The following ABHD12B variants were observed in gnomAD, a reference collection of about 807,000 sequenced individuals.
ABHD12B encodes abhydrolase domain containing 12B.
In ABHD12B, 42 loss-of-function variants were observed where a neutral mutation model predicts 50.4. That is an observed-to-expected ratio of 0.83 (90% CI 0.65 to 1.08). The LOEUF (loss-of-function observed/expected upper bound fraction) is 1.08. Ranked by LOEUF, ABHD12B falls within the 50% of genes least tolerant of loss-of-function variation. The pLI is 0.00. For synonymous variants in ABHD12B, 167 were observed against 160.3 expected (o/e 1.04, Z -0.32); for missense variants, 479 against 447.7 (o/e 1.07, Z -0.63).
At chr14:50,877,223 AG>A (rs370707665) in intron 1 of ABHD12B, among the ~76,000 whole-genome samples, 113 of 152,316 alleles carry the variant, frequency 7.4e-4, no homozygotes, top group African/African-American at 2.5e-3. Context: ...TTTCTTCCTA[AG>A]ATAAGTCCAG....
At chr14:50,903,361 T>C in intron 10 of ABHD12B, 28 bp from the exon 11 acceptor site, 1 of 1,547,890 alleles carries the variant, frequency 6.5e-7, no homozygotes, top group South Asian at 1.1e-5. Flanking sequence ...ATTCTTTAAC[T>C]GAATGCTTTT....
chr14:50,880,490 G>A lies in ABHD12B; in HGVS notation c.374G>A (p.Gly125Glu), dbSNP rs1232801919. The A allele has an allele frequency of 6.2e-7, 1 of 1,611,300 alleles. No homozygotes were observed. Among genetic ancestry groups the A allele is most frequent in the Non-Finnish European group, 8.5e-7 (1 of 1,178,628 alleles). Residue 125 changes from glycine (G) to glutamate (E), a missense_variant, in exon 4 of 13, where the codon GGG becomes GAG. By Grantham distance (98) the Gly-to-Glu change is moderately conservative (BLOSUM62 -2). Coordinates refer to ENST00000337334, the MANE Select transcript of ABHD12B (RefSeq NM_001206673.2). Reference sequence around the variant, plus strand: ...AGCTGCCGGGGGGAAGATGCCAAGGGGAAGGACTGTTGCTGGTATGAAGCA... The same window carrying A: ...AGCTGCCGGGGGGAAGATGCCAAGGAGAAGGACTGTTGCTGGTATGAAGCA... The part of the protein sequence containing the change: ...VPSCRGEDAK[G>E]KDCCWYEAAL...
At chr14:50,873,189 T>G (rs889746513) in intron 1 of ABHD12B, among the ~76,000 whole-genome samples, 3 of 152,164 alleles carry the variant, frequency 2.0e-5, no homozygotes, top group Non-Finnish European at 4.4e-5. Context: ...AGAGTGATGA[T>G]GACAAACGGG....
chr14:50,903,948 T>C, intron 11 of ABHD12B, 126 bp from the exon 12 acceptor site: 1 of 749,562 alleles, frequency 1.3e-6, no homozygotes, highest in Non-Finnish European at 2.3e-6. Flanking sequence ...TGGAGAGTTT[T>C]CTGTCTCTGA....
At chr14:50,892,533 G>A (rs2050134072) in intron 9 of ABHD12B, 2 of 985,304 alleles carry the variant, frequency 2.0e-6, no homozygotes, top group South Asian at 4.7e-5. Context: ...TGTCATCTAA[G>A]AATAAGGAGA....
chr14:50,901,769 A>C, intron 9 of ABHD12B, 60 bp from the exon 10 acceptor site: 2 of 1,112,682 alleles, frequency 1.8e-6, no homozygotes, highest in Non-Finnish European at 2.6e-6. Flanking sequence ...GTGAAAGACT[A>C]TATAACAGAT....
chr14:50,902,900 C>T (rs980509370), intron 10 of ABHD12B, among the ~76,000 whole-genome samples: 7 of 152,276 alleles, frequency 4.6e-5, no homozygotes, highest in Admixed American at 1.3e-4. Flanking sequence ...GTTAACTGCA[C>T]GTCCATCCTC....
intron 1 of ABHD12B, 54 bp from the exon 2 acceptor site, chr14:50,877,897 AC>A: frequency 6.9e-7 from 1 of 1,458,094 alleles, no homozygotes; most frequent in East Asian, 2.5e-5. Context: ...AAAAAAACAA[AC>A]CAAGACAAAT....
chr14:50,887,046 T>G lies in ABHD12B; in HGVS notation c.700+362T>G, dbSNP rs2050050051. On this transcript the variant is annotated intron_variant, in intron 8 of 12. Coordinates refer to ENST00000337334, the MANE Select transcript of ABHD12B (RefSeq NM_001206673.2). ...CTGGCCAAGATGGTGAAACCCTGTC[T>G]CTACTAAAAATACAAAAATTTGCCA... Among the ~76,000 whole-genome samples the G allele has an allele frequency of 2.0e-5, 3 of 151,620 alleles. No homozygotes were observed. In the South Asian group the frequency reaches 6.2e-4, roughly 31 times the overall value.
At chr14:50,889,027 A>T (rs1263206578) in intron 9 of ABHD12B, 124 bp downstream of exon 9, 4 of 726,010 alleles carry the variant, frequency 5.5e-6, no homozygotes, top group Non-Finnish European at 8.4e-6. Flanking sequence ...TATGTTTTTA[A>T]GTTATTCTAA....
chr14:50,895,811 T>C (rs558640480), intron 9 of ABHD12B: 2 of 152,322 alleles, frequency 1.3e-5, no homozygotes, highest in South Asian at 4.1e-4. Flanking sequence ...CCTCCATAAC[T>C]GTTGTGGGTA....
chr14:50,875,024 C>T (rs547376222), intron 1 of ABHD12B, among the ~76,000 whole-genome samples: 76 of 152,222 alleles, frequency 5.0e-4, no homozygotes, highest in Non-Finnish European at 8.7e-4. Context: ...CTGAGCTCAG[C>T]CCTGGGCTAG....
intron 1 of ABHD12B, among the ~76,000 whole-genome samples, chr14:50,877,107 T>C (rs2049874029): frequency 6.6e-6 from 1 of 152,126 alleles, no homozygotes; most frequent in Non-Finnish European, 1.5e-5. Context: ...AGGCAAGATG[T>C]GCATGCGCCC....
At chr14:50,894,762 T>A (rs1362139262) in intron 9 of ABHD12B, among the ~76,000 whole-genome samples, 1 of 150,258 alleles carries the variant, frequency 6.7e-6, no homozygotes. Flanking sequence ...ATCTTCCTTC[T>A]TTCCCTCCCG....
chr14:50,878,156 G>C, intron 2 of ABHD12B, 77 bp downstream of exon 2: 1 of 1,222,996 alleles, frequency 8.2e-7, no homozygotes, highest in Non-Finnish European at 1.1e-6. Context: ...AAGTTGTGAC[G>C]TAGTGAAAAG....
chr14:50,880,325 C>T, intron 3 of ABHD12B, 127 bp from the exon 4 acceptor site: 1 of 1,007,334 alleles, frequency 9.9e-7, no homozygotes. Context: ...TTATTTTTGC[C>T]ATGTGCATAT....
chr14:50,904,247 T>C, intron 12 of ABHD12B, 55 bp downstream of exon 12: 1 of 1,613,548 alleles, frequency 6.2e-7, no homozygotes, highest in South Asian at 1.1e-5. Context: ...AGGGCTGCTC[T>C]GGCTTACTTA....
chr14:50,878,141 C>CTGT, intron 2 of ABHD12B, 62 bp downstream of exon 2: 1 of 1,355,552 alleles, frequency 7.4e-7, no homozygotes, highest in South Asian at 1.5e-5. Context: ...ACCTCAGTAC[C>CTGT]CTTAAAGTTG....
At chr14:50,878,887 A>G in intron 3 of ABHD12B, 40 bp downstream of exon 3, 1 of 1,545,366 alleles carries the variant, frequency 6.5e-7, no homozygotes, top group Non-Finnish European at 8.9e-7. Context: ...TTGATGGGGC[A>G]GGTGTTCCTG....
Sources: gnomAD v4.1 joint callset for allele counts (sites outside exome capture counted in the v4.1 genomes callset) on GRCh38, gnomAD v4.1.1 for gene constraint, MANE v1.5 for transcripts, NCBI Gene and HGNC (gene_info 2026-07-23, HGNC 2026-07-21) for gene names.